Variants in PITPNC1 observed in about 807,000 individuals in gnomAD.
PITPNC1 encodes the protein cytoplasmic phosphatidylinositol transfer protein 1.
In PITPNC1, 18 loss-of-function variants were observed where a neutral mutation model predicts 44.7. The ratio of observed to expected loss-of-function variants is 0.40; its 90% CI spans 0.28 to 0.60. The LOEUF (loss-of-function observed/expected upper bound fraction) is 0.60, where lower values mean the gene tolerates loss of function less well. Among genes scored for constraint, PITPNC1 ranks in the 20% least tolerant of loss-of-function variants. PITPNC1 has a pLI of 0.39. For synonymous variants in PITPNC1, 141 were observed against 149.6 expected (o/e 0.94, Z 0.42); for missense variants, 290 against 418.4 (o/e 0.69, Z 2.68).
chr17:67,640,105 G>A (rs1358262279), intron 6 of PITPNC1, among the ~76,000 whole-genome samples: 1 of 151,466 alleles, frequency 6.6e-6, no homozygotes, highest in East Asian at 1.9e-4. Context: ...TTTCCCTCAA[G>A]TCCATCTGTT....
intron 1 of PITPNC1, among the ~76,000 whole-genome samples, chr17:67,435,239 G>A (rs368756583): frequency 6.6e-6 from 1 of 151,880 alleles, no homozygotes; most frequent in Non-Finnish European, 1.5e-5. Flanking sequence ...AATTATAATA[G>A]TACTTACCTC....
intron 1 of PITPNC1, among the ~76,000 whole-genome samples, chr17:67,501,721 T>C (rs893332178): frequency 6.6e-6 from 1 of 152,002 alleles, no homozygotes; most frequent in African/African-American, 2.4e-5. Flanking sequence ...TAATCCCAGC[T>C]ACTTGGGAGG....
chr17:67,656,352 C>T (rs752851783), intron 6 of PITPNC1, among the ~76,000 whole-genome samples: 7 of 152,190 alleles, frequency 4.6e-5, no homozygotes. Flanking sequence ...CCCATCTCTG[C>T]CTCTGTCCTC....
chr17:67,472,528 TC>T (rs2039555968), intron 1 of PITPNC1, among the ~76,000 whole-genome samples: 1 of 150,730 alleles, frequency 6.6e-6, no homozygotes, highest in Non-Finnish European at 1.5e-5. Flanking sequence ...GCGCCTGTAG[TC>T]CCAGCTACTC....
intron 1 of PITPNC1, among the ~76,000 whole-genome samples, chr17:67,472,862 A>T (rs1250091222): frequency 6.6e-6 from 1 of 151,424 alleles, no homozygotes; most frequent in East Asian, 1.9e-4. Flanking sequence ...TGCTAAAACC[A>T]GCACCATAAT....
At chr17:67,612,736 T>A (rs2041704519) in intron 5 of PITPNC1, 1 of 151,648 alleles carries the variant, frequency 6.6e-6, no homozygotes, top group South Asian at 2.1e-4. Context: ...GATCAATGGG[T>A]GGATGTGGAG....
At chr17:67,433,862 A>G (rs2038894678) in intron 1 of PITPNC1, among the ~76,000 whole-genome samples, 1 of 152,164 alleles carries the variant, frequency 6.6e-6, no homozygotes, top group Non-Finnish European at 1.5e-5. Context: ...GTGAATAGCC[A>G]CTGCACTCTA....
chr17:67,396,301 C>A (rs2038218973), intron 1 of PITPNC1, among the ~76,000 whole-genome samples: 1 of 152,168 alleles, frequency 6.6e-6, no homozygotes, highest in African/African-American at 2.4e-5. Context: ...TGACCATGTT[C>A]TCTAGGAGTT....
At chr17:67,593,148 A>G (rs547959030) in intron 5 of PITPNC1, among the ~76,000 whole-genome samples, 1 of 152,368 alleles carries the variant, frequency 6.6e-6, no homozygotes, top group South Asian at 2.1e-4. Context: ...ATTTAAGAAT[A>G]TCTTATTTAT....
chr17:67,596,298 T>C (rs1369930178), intron 5 of PITPNC1, among the ~76,000 whole-genome samples: 4 of 152,140 alleles, frequency 2.6e-5, no homozygotes, highest in Admixed American at 1.3e-4. Flanking sequence ...TCTCTTGGAA[T>C]AGATAATGTT....
At chr17:67,413,547 G>C (rs944351755) in intron 1 of PITPNC1, among the ~76,000 whole-genome samples, 1 of 151,998 alleles carries the variant, frequency 6.6e-6, no homozygotes, top group African/African-American at 2.4e-5. Flanking sequence ...CTGTGCCCGG[G>C]CCCTGAGGCC....
At chr17:67,670,106 A>G (rs921253660) in intron 7 of PITPNC1, among the ~76,000 whole-genome samples, 1 of 152,126 alleles carries the variant, frequency 6.6e-6, no homozygotes, top group African/African-American at 2.4e-5. Flanking sequence ...AAAATAAAAA[A>G]ATAAAAAATA....
intron 6 of PITPNC1, among the ~76,000 whole-genome samples, chr17:67,651,555 C>T (rs561755737): frequency 6.6e-6 from 1 of 152,244 alleles, no homozygotes; most frequent in East Asian, 1.9e-4. Context: ...ATATAGATCA[C>T]ATACCATACA....
intron 6 of PITPNC1, among the ~76,000 whole-genome samples, chr17:67,644,001 A>C (rs2042119083): frequency 6.6e-6 from 1 of 152,200 alleles, no homozygotes; most frequent in Non-Finnish European, 1.5e-5. Flanking sequence ...CAATAGCTCC[A>C]GCTCTCAGGA....
intron 6 of PITPNC1, among the ~76,000 whole-genome samples, chr17:67,647,469 T>G (rs928298064): frequency 7.5e-5 from 7 of 93,140 alleles, no homozygotes; most frequent in African/African-American, 1.2e-4. Context: ...TTTGGGTTTT[T>G]TTTTTTTTTT....
intron 6 of PITPNC1, among the ~76,000 whole-genome samples, chr17:67,645,591 C>T (rs544149329): frequency 6.6e-6 from 1 of 152,034 alleles, no homozygotes; most frequent in African/African-American, 2.4e-5. Context: ...AGGAGGGATG[C>T]AGGGGGGTTA....
chr17:67,591,749 A>G (rs1272295295), intron 5 of PITPNC1, among the ~76,000 whole-genome samples: 1 of 152,050 alleles, frequency 6.6e-6, no homozygotes. Flanking sequence ...TTGCTGTGTC[A>G]CCCAGGCTGG....
chr17:67,431,064 T>TTTTC (rs1555650508), intron 1 of PITPNC1, among the ~76,000 whole-genome samples: 2 of 147,642 alleles, frequency 1.4e-5, no homozygotes, highest in Non-Finnish European at 3.0e-5. Flanking sequence ...TACTGTTTCT[T>TTTTC]TTTTTTTTTT....
intron 1 of PITPNC1, among the ~76,000 whole-genome samples, chr17:67,395,979 A>T (rs1402410874): frequency 6.6e-6 from 1 of 152,208 alleles, no homozygotes; most frequent in African/African-American, 2.4e-5. Flanking sequence ...AAATCTTTAG[A>T]TTCAGGACTT....
Sources: allele counts gnomAD v4.1 joint callset (sites outside exome capture counted in the v4.1 genomes callset), GRCh38; gene constraint gnomAD v4.1.1; transcripts MANE v1.5; gene names NCBI Gene and HGNC (gene_info 2026-07-23, HGNC 2026-07-21).